The following TCERG1L variants were observed in gnomAD, a reference collection of about 807,000 sequenced individuals.
The protein encoded by TCERG1L is transcription elongation regulator 1-like protein.
TCERG1L carries 37 observed loss-of-function variants against 56.3 expected under a neutral mutation model. That is an observed-to-expected ratio of 0.66 (90% CI 0.51 to 0.87). TCERG1L has a LOEUF of 0.87. Among genes scored for constraint, TCERG1L ranks in the 40% least tolerant of loss-of-function variants. The pLI is 0.00. For synonymous variants in TCERG1L, 324 were observed against 326.3 expected, an observed-to-expected ratio of 0.99 and a Z score of 0.08; for missense variants, 799 against 774.2, an observed-to-expected ratio of 1.03 and a Z score of -0.38.
intron 4 of TCERG1L, among the ~76,000 whole-genome samples, chr10:131,248,215 C>T (rs1037644424): frequency 6.6e-6 from 1 of 150,530 alleles, no homozygotes; most frequent in Non-Finnish European, 1.5e-5. Flanking sequence ...ACACAACTCT[C>T]TCACACACAA....
intron 8 of TCERG1L, among the ~76,000 whole-genome samples, chr10:131,117,837 G>A (rs749360386): frequency 6.6e-6 from 1 of 152,242 alleles, no homozygotes; most frequent in Non-Finnish European, 1.5e-5. Context: ...TGGATTCTAA[G>A]AAGCATCTAG....
chr10:131,276,173 G>C (rs988222304), intron 3 of TCERG1L, among the ~76,000 whole-genome samples: 6 of 152,116 alleles, frequency 3.9e-5, no homozygotes, highest in African/African-American at 1.4e-4. Context: ...AACTTCCAAG[G>C]GTCCTCCTGA....
Position 131,311,230 on chromosome 10 carries a change from G to A in TCERG1L, c.342+64C>T, listed in dbSNP as rs145617925. On this transcript the variant is annotated intron_variant, in intron 1 of 11. Coordinates refer to ENST00000368642, the MANE Select transcript of TCERG1L (RefSeq NM_174937.4). This position sits in a 1 kb window ranked among gnomAD's most constrained non-coding sequence, Gnocchi z 4.0. Reference sequence around the variant, plus strand: ...GAGCCGGAGGCCAGAGCCGGGCCGGGCAGGGCGCGCCCAGGAGCAGGGGAG... The same window carrying A: ...GAGCCGGAGGCCAGAGCCGGGCCGGACAGGGCGCGCCCAGGAGCAGGGGAG... The A allele has an allele frequency of 4.1e-3, 4,806 of 1,166,404 alleles. 168 individuals carry two copies. The African/African-American group carries it at 0.07, about 17-fold the overall frequency. 72.3% of individuals were successfully genotyped at this position (1,166,404 alleles called of 1,614,324 possible). A position where few individuals can be genotyped will look rare whatever the true frequency, so the allele number is the denominator to read the frequency against.
chr10:131,303,757 A>G (rs1398316499), intron 3 of TCERG1L, among the ~76,000 whole-genome samples: 2 of 151,926 alleles, frequency 1.3e-5, no homozygotes, highest in East Asian at 1.9e-4. Context: ...CAATGATTTT[A>G]GTTGCTAGTT....
chr10:131,170,342 C>G (rs1335476283), intron 4 of TCERG1L, among the ~76,000 whole-genome samples: 1 of 152,116 alleles, frequency 6.6e-6, no homozygotes, highest in Admixed American at 6.5e-5. Flanking sequence ...AAACTCCTCC[C>G]TTGAGTGGCA....
intron 8 of TCERG1L, among the ~76,000 whole-genome samples, chr10:131,126,479 A>G (rs1845566248): frequency 6.6e-6 from 1 of 151,964 alleles, no homozygotes; most frequent in African/African-American, 2.4e-5. Flanking sequence ...CTGGGGGCAG[A>G]ATCCCAGTGA....
At chr10:131,275,361 C>T (rs750066122) in intron 3 of TCERG1L, among the ~76,000 whole-genome samples, 2 of 152,150 alleles carry the variant, frequency 1.3e-5, no homozygotes, top group Non-Finnish European at 2.9e-5. Flanking sequence ...AGGTACAAGG[C>T]GAGAGTGTGG....
intron 3 of TCERG1L, among the ~76,000 whole-genome samples, chr10:131,265,872 C>T (rs1438519447): frequency 1.3e-5 from 2 of 152,184 alleles, no homozygotes; most frequent in East Asian, 1.9e-4. Context: ...GGTGGCTGTG[C>T]CAATTTCACA....
At chr10:131,183,573 C>T (rs2397751) in intron 4 of TCERG1L, among the ~76,000 whole-genome samples, 13,562 of 152,148 alleles carry the variant, frequency 0.089, 754 homozygotes, top group East Asian at 0.2. Context: ...TTCTTCCTCC[C>T]AAATATCTCA....
At chr10:131,129,879 T>G (rs575819188) in intron 8 of TCERG1L, among the ~76,000 whole-genome samples, 2 of 152,256 alleles carry the variant, frequency 1.3e-5, no homozygotes, top group Non-Finnish European at 2.9e-5. Context: ...AAGCAAGGCC[T>G]GTTTTCCATG....
chr10:131,154,531 A>G (rs1030099836), intron 6 of TCERG1L, among the ~76,000 whole-genome samples: 4 of 152,052 alleles, frequency 2.6e-5, no homozygotes, highest in African/African-American at 4.8e-5. Flanking sequence ...GCCGCACCCA[A>G]TGCCCTTTGC....
intron 6 of TCERG1L, among the ~76,000 whole-genome samples, chr10:131,158,083 G>A (rs1231873790): frequency 3.3e-5 from 5 of 152,352 alleles, no homozygotes; most frequent in South Asian, 2.1e-4. Context: ...TCTCGGCAGC[G>A]ACAACAGCAG....
chr10:131,211,098 T>G (rs1845614031), intron 4 of TCERG1L, among the ~76,000 whole-genome samples: 1 of 152,242 alleles, frequency 6.6e-6, no homozygotes, highest in Admixed American at 6.5e-5. Flanking sequence ...CCTGTGCATC[T>G]GTGCTTTGGG....
chr10:131,155,751 G>A (rs1354709893), intron 6 of TCERG1L, among the ~76,000 whole-genome samples: 2 of 152,192 alleles, frequency 1.3e-5, no homozygotes, highest in African/African-American at 2.4e-5. Flanking sequence ...CAGGACCAGA[G>A]AAAATCAGCT....
At chr10:131,242,827 G>C (rs1223178113) in intron 4 of TCERG1L, among the ~76,000 whole-genome samples, 2 of 152,084 alleles carry the variant, frequency 1.3e-5, no homozygotes, top group Non-Finnish European at 2.9e-5. Flanking sequence ...TTAACCTGTA[G>C]GATCAGTCTA....
intron 4 of TCERG1L, among the ~76,000 whole-genome samples, chr10:131,220,523 C>T (rs1845718511): frequency 6.6e-6 from 1 of 152,218 alleles, no homozygotes; most frequent in Non-Finnish European, 1.5e-5. Context: ...GGCTACTGAC[C>T]TTACTTGGTG....
intron 4 of TCERG1L, among the ~76,000 whole-genome samples, chr10:131,171,987 G>C (rs1686435332): frequency 6.6e-6 from 1 of 152,214 alleles, no homozygotes; most frequent in African/African-American, 2.4e-5. Context: ...AAATATATCA[G>C]TATCTCCCAA....
At chr10:131,204,078 A>G (rs1472701824) in intron 4 of TCERG1L, among the ~76,000 whole-genome samples, 1 of 152,192 alleles carries the variant, frequency 6.6e-6, no homozygotes, top group East Asian at 1.9e-4. Context: ...CCCGAAGGGA[A>G]CCAGCTAGGC....
intron 6 of TCERG1L, among the ~76,000 whole-genome samples, chr10:131,153,398 C>T (rs1000465665): frequency 3.3e-5 from 5 of 152,116 alleles, no homozygotes; most frequent in East Asian, 1.9e-4. Flanking sequence ...CCCTAAGCCC[C>T]GCGTGCTCAT....
Sources: allele counts gnomAD v4.1 joint callset (sites outside exome capture counted in the v4.1 genomes callset), GRCh38; gene constraint gnomAD v4.1.1; non-coding constraint Gnocchi (gnomAD v3.1); transcripts MANE v1.5; gene names NCBI Gene and HGNC (gene_info 2026-07-23, HGNC 2026-07-21).